Variants in RAB7A observed in about 807,000 individuals in gnomAD.
The protein encoded by RAB7A is RAB7A, member RAS oncogene family.
A neutral mutation model predicts 24.5 loss-of-function variants in RAB7A; 2 were observed. The ratio of observed to expected loss-of-function variants is 0.08; its 90% CI spans 0.03 to 0.26. RAB7A has a LOEUF of 0.26. Ranked by LOEUF, RAB7A falls within the 10% of genes least tolerant of loss-of-function variation. The pLI is 1.00. For synonymous variants in RAB7A, 100 were observed against 95.9 expected (o/e 1.04, Z -0.25); for missense variants, 118 against 255.7 (o/e 0.46, Z 3.67).
intron 1 of RAB7A, among the ~76,000 whole-genome samples, chr3:128,775,077 C>T (rs372506095): frequency 2.6e-5 from 4 of 152,228 alleles, no homozygotes; most frequent in South Asian, 2.1e-4. Flanking sequence ...CCACTGCGCC[C>T]GGCCGACATC....
intron 1 of RAB7A, among the ~76,000 whole-genome samples, chr3:128,741,034 GA>G (rs1232736318): frequency 2.7e-5 from 4 of 150,342 alleles, no homozygotes; most frequent in African/African-American, 4.9e-5. Context: ...AATAAATGTA[GA>G]AAAAATATTA....
intron 1 of RAB7A, among the ~76,000 whole-genome samples, chr3:128,746,979 A>G (rs1160883262): frequency 6.6e-6 from 1 of 151,734 alleles, no homozygotes; most frequent in Admixed American, 6.6e-5. Flanking sequence ...AATGTATACA[A>G]TTATGATTTG....
intron 1 of RAB7A, among the ~76,000 whole-genome samples, chr3:128,748,273 T>C (rs928820436): frequency 6.6e-6 from 1 of 152,142 alleles, no homozygotes; most frequent in Admixed American, 6.5e-5. Context: ...GGGGTTATGT[T>C]AATATTGGTC....
At chr3:128,764,714 C>T (rs1308638944) in intron 1 of RAB7A, 1 of 800,560 alleles carries the variant, frequency 1.2e-6, no homozygotes, top group Non-Finnish European at 2.2e-6. Context: ...GATGCACACT[C>T]CATTGCATTC....
In RAB7A at chr3:128,813,394, A is replaced by G. The variant is rs1415425287; in HGVS notation, c.596A>G (p.Lys199Arg). The change falls in exon 6 of 6, where the codon AAG (lysine) becomes AGG (arginine). Residue 199 changes from lysine to arginine, a missense_variant. This residue lies in a region of RAB7A where 66 missense variants were observed against 82.2 expected (regional missense o/e 0.80). Coordinates refer to ENST00000265062, the MANE Select transcript of RAB7A (RefSeq NM_004637.6). ...PIKLDKNDRAKASAESCSC is the reference protein window; with the variant it reads ...PIKLDKNDRARASAESCSC ...AAACTGGACAAGAATGACCGGGCCA[A>G]GGCCTCGGCAGAAAGCTGCAGTTGC... 1 of 1,614,104 alleles carries G rather than the reference A, an allele frequency of 6.2e-7. No homozygotes were observed. Among genetic ancestry groups the G allele is most frequent in the Non-Finnish European group, 8.5e-7 (1 of 1,180,034 alleles).
chr3:128,745,615 C>T (rs145585727), intron 1 of RAB7A, among the ~76,000 whole-genome samples: 55 of 152,336 alleles, frequency 3.6e-4, no homozygotes, highest in African/African-American at 1.2e-3. Context: ...ATCCACATGC[C>T]TCAGCCTCCC....
chr3:128,797,397 G>A (rs1467076437), intron 2 of RAB7A, among the ~76,000 whole-genome samples: 1 of 152,222 alleles, frequency 6.6e-6, no homozygotes, highest in Non-Finnish European at 1.5e-5. Flanking sequence ...ATTTGGAGGA[G>A]CATTCTTTGA....
chr3:128,777,126 G>A (rs187183503), intron 1 of RAB7A, among the ~76,000 whole-genome samples: 3 of 152,244 alleles, frequency 2.0e-5, no homozygotes, highest in East Asian at 3.9e-4. Flanking sequence ...GCCCTTATCA[G>A]ATATATGTTT....
At chr3:128,805,389 C>T (rs1933782049) in intron 3 of RAB7A, among the ~76,000 whole-genome samples, 1 of 152,116 alleles carries the variant, frequency 6.6e-6, no homozygotes. Context: ...GAGTTGTTAT[C>T]ATGTTCGTCC....
chr3:128,756,361 C>CAA (rs796338526), intron 1 of RAB7A, among the ~76,000 whole-genome samples: 14 of 117,806 alleles, frequency 1.2e-4, no homozygotes, highest in African/African-American at 4.3e-4. Flanking sequence ...GACTTTGTCT[C>CAA]AAAAAAAAAA....
intron 5 of RAB7A, among the ~76,000 whole-genome samples, chr3:128,811,198 C>T (rs911146257): frequency 2.0e-5 from 3 of 151,996 alleles, no homozygotes; most frequent in African/African-American, 7.2e-5. Context: ...GCAATCATCA[C>T]TCGCTATAAC....
At chr3:128,777,718 A>G (rs751962459) in intron 1 of RAB7A, among the ~76,000 whole-genome samples, 2 of 152,192 alleles carry the variant, frequency 1.3e-5, no homozygotes, top group African/African-American at 2.4e-5. Flanking sequence ...GCTCCAGTCA[A>G]TCATTGTGAT....
intron 3 of RAB7A, among the ~76,000 whole-genome samples, chr3:128,800,023 C>T (rs1172257663): frequency 1.3e-5 from 2 of 152,180 alleles, no homozygotes; most frequent in East Asian, 1.9e-4. Context: ...AAACTTAGAA[C>T]TTCAAGAAGT....
intron 1 of RAB7A, among the ~76,000 whole-genome samples, chr3:128,770,265 T>C (rs1487652211): frequency 6.6e-6 from 1 of 152,206 alleles, no homozygotes; most frequent in East Asian, 1.9e-4. Flanking sequence ...CCTCCCAAAG[T>C]GCTGGGATTA....
chr3:128,813,159 C>T (rs1933962732), intron 5 of RAB7A, among the ~76,000 whole-genome samples, 168 bp from the exon 6 acceptor site: 1 of 152,240 alleles, frequency 6.6e-6, no homozygotes, highest in East Asian at 1.9e-4. Flanking sequence ...GAGCATGGCA[C>T]CTTCTGCCAG....
Position 128,732,365 on chromosome 3 carries a change from C to CT in RAB7A, c.-9+6012dup, listed in dbSNP as rs35613692. 2.6e-5 allele frequency among the ~76,000 whole-genome samples: 4 copies of CT among 151,350 alleles called. No individual in the cohort carries two copies. In the South Asian group the frequency reaches 8.4e-4, roughly 32 times the overall value. ...CTACCTTTTATTTAAAATGATACGT[C>CT]TTTTTTGCTGATTATTAAACTATTC... On this transcript the variant is annotated intron_variant, in intron 1 of 5. Coordinates refer to ENST00000265062, the MANE Select transcript of RAB7A (RefSeq NM_004637.6).
chr3:128,752,648 C>CT (rs1280583983), intron 1 of RAB7A, among the ~76,000 whole-genome samples: 1 of 151,544 alleles, frequency 6.6e-6, no homozygotes, highest in Non-Finnish European at 1.5e-5. Flanking sequence ...ACAATGGCTC[C>CT]TTATAATATC....
chr3:128,811,380 G>A lies in RAB7A; in HGVS notation c.529-1947G>A, dbSNP rs150833428. Among the ~76,000 whole-genome samples, 6 of 152,274 alleles carry A rather than the reference G, an allele frequency of 3.9e-5. No homozygotes were observed. In the East Asian group the frequency reaches 1.2e-3, roughly 29 times the overall value. ...TGTCACTATTTGTAATAGCCAAAAA[G>A]TAAGAACAACTCAAATGTCCATCAA... On this transcript the variant is annotated intron_variant, in intron 5 of 5. Coordinates refer to ENST00000265062, the MANE Select transcript of RAB7A (RefSeq NM_004637.6).
At chr3:128,792,747 C>T (rs1280694813) in intron 1 of RAB7A, among the ~76,000 whole-genome samples, 2 of 152,128 alleles carry the variant, frequency 1.3e-5, no homozygotes, top group Non-Finnish European at 2.9e-5. Context: ...ACCTCTGCCT[C>T]CTGGGTTCAA....
Sources: gnomAD v4.1 joint callset for allele counts (sites outside exome capture counted in the v4.1 genomes callset) on GRCh38, gnomAD v4.1.1 for gene constraint, gnomAD v4.1.1 regional missense constraint, MANE v1.5 for transcripts, NCBI Gene and HGNC (gene_info 2026-07-23, HGNC 2026-07-21) for gene names.